The following VAV2 variants were observed in gnomAD, a reference collection of about 807,000 sequenced individuals.
VAV2 encodes vav guanine nucleotide exchange factor 2.
VAV2 carries 67 observed loss-of-function variants against 132.5 expected under a neutral mutation model. The ratio of observed to expected loss-of-function variants is 0.51; its 90% confidence interval spans 0.42 to 0.62. VAV2 has a LOEUF of 0.62. Ranked by LOEUF, VAV2 falls within the 20% of genes least tolerant of loss-of-function variation. The pLI, the probability that VAV2 is intolerant of heterozygous loss-of-function variation, is 0.00. For missense variants in VAV2, 938 were observed against 1,153.6 expected (o/e 0.81, Z 2.71); for synonymous variants, 492 against 443.5 (o/e 1.11, Z -1.37).
chr9:133,983,733 A>G (rs1191534401), intron 1 of VAV2, among the ~76,000 whole-genome samples: 2 of 151,856 alleles, frequency 1.3e-5, no homozygotes, highest in African/African-American at 4.8e-5. Context: ...ATCCCACTCA[A>G]CACAGCCCTC....
chr9:133,834,162 A>G lies in VAV2; in HGVS notation c.449+110T>C. The G allele has an allele frequency of 7.8e-7, 1 of 1,279,222 alleles. No individual in the cohort carries two copies. The highest frequency in any genetic ancestry group is 1.4e-5 in the South Asian group (1 of 71,510). 79.2% of individuals were successfully genotyped at this position (1,279,222 alleles called of 1,614,324 possible). Reference sequence around the variant, plus strand: ...TGCCCCGGTGGGAAGGGCCAGGGCCAGCTCTGCCTGCACTGTGGCCGCCAT... The same window carrying G: ...TGCCCCGGTGGGAAGGGCCAGGGCCGGCTCTGCCTGCACTGTGGCCGCCAT... On this transcript the variant is annotated intron_variant, in intron 4 of 29. Transcript: ENST00000371850. This position sits in a 1 kb window ranked among gnomAD's most constrained non-coding sequence, Gnocchi z 5.9.
At chr9:133,894,605 G>GGCTCCC (rs1449226419) in intron 2 of VAV2, among the ~76,000 whole-genome samples, 1 of 152,186 alleles carries the variant, frequency 6.6e-6, no homozygotes. Context: ...AGGGTTCACA[G>GGCTCCC]GCTCCCAGGA....
chr9:133,983,509 C>G (rs572250160), intron 1 of VAV2, among the ~76,000 whole-genome samples: 22 of 152,328 alleles, frequency 1.4e-4, no homozygotes, highest in Admixed American at 3.9e-4. Flanking sequence ...CGACCCATCT[C>G]CAAGTCCCAA....
intron 2 of VAV2, among the ~76,000 whole-genome samples, chr9:133,909,104 C>T (rs982064452): frequency 1.3e-5 from 2 of 152,194 alleles, no homozygotes; most frequent in Non-Finnish European, 2.9e-5. Flanking sequence ...CTAGCAATCG[C>T]GAGGAAGGAT....
At position 133,824,106 on chromosome 9, in the gene VAV2, G is replaced by C. The variant is rs973924067; in HGVS notation, c.449+10166C>G. 1.3e-5 allele frequency among the ~76,000 whole-genome samples: 2 copies of C among 152,180 alleles called. No homozygotes were observed. Among genetic ancestry groups the C allele is most frequent in the East Asian group, 1.9e-4 (1 of 5,204 alleles). ...CAAGGGGCCCACAAGATGTCCGAGG[G>C]GGGCAGGGAGGGTCCCTGAAAGTGT... On this transcript the variant is annotated intron_variant, in intron 4 of 29. Coordinates refer to ENST00000371850, the MANE Select transcript of VAV2 (RefSeq NM_001134398.2). The surrounding 1 kb of genome is among the most constrained non-coding windows in gnomAD (Gnocchi z 5.2).
Position 133,798,949 on chromosome 9 carries a change from G to A in VAV2, c.837-1140C>T, listed in dbSNP as rs147877290. On this transcript the variant is annotated intron_variant, in intron 9 of 29. Transcript: ENST00000371850. ...GGCTCCCCTGGCCCGGGAAGCCCAG[G>A]GCAGGCTCTTGGGACCAGGTCACCA... 4.1e-3 allele frequency among the ~76,000 whole-genome samples: 632 copies of A among 152,348 alleles called. 5 individuals carry two copies. The highest frequency in any genetic ancestry group is 6.8e-3 in the Middle Eastern group (2 of 294).
At position 133,979,123 on chromosome 9, in the gene VAV2, G is replaced by A. The variant is rs1049575858; in HGVS notation, c.204+12952C>T. On this transcript the variant is annotated intron_variant, in intron 1 of 29. Coordinates refer to ENST00000371850, the MANE Select transcript of VAV2 (RefSeq NM_001134398.2). ...GCTTCGGAAGAGCTTTCGTGCCAGG[G>A]GTGGTGGTGTCGGAGAGGCGAGCTC... Among the ~76,000 whole-genome samples, 6 of 152,346 alleles carry A rather than the reference G, an allele frequency of 3.9e-5. No homozygotes were observed. The South Asian group carries it at 1.2e-3, about 32-fold the overall frequency.
At chr9:133,860,626 G>A (rs1453806794) in intron 3 of VAV2, among the ~76,000 whole-genome samples, 1 of 152,058 alleles carries the variant, frequency 6.6e-6, no homozygotes, top group African/African-American at 2.4e-5. Flanking sequence ...CCCCATCCTC[G>A]CTGCTCTCAG....
Position 133,861,380 on chromosome 9 carries a change from C to T in VAV2, c.374G>A (p.Gly125Glu), listed in dbSNP as rs759182638. ...CGCACTCCGGAGAGCTCACCTGATC[C>T]CTTTGTTCTGCGCGATGCTGTGCAG... ...LSLHSIAQNK[G>E]IRPFPSEETT... Residue 125 changes from glycine to glutamate, a missense_variant, in exon 3 of 30, where the codon GGG becomes GAG. Transcript: ENST00000371850. 20 of 1,612,822 alleles carry T rather than the reference C, an allele frequency of 1.2e-5. No individual in the cohort carries two copies. In the East Asian group the frequency reaches 4.2e-4, roughly 34 times the overall value.
chr9:133,937,228 C>T (rs1209833408), intron 2 of VAV2, among the ~76,000 whole-genome samples: 3 of 151,554 alleles, frequency 2.0e-5, no homozygotes, highest in African/African-American at 4.9e-5. Context: ...GTGATATGTC[C>T]GTGTTGGGGG....
chr9:133,775,481 T>A (rs1207978749), intron 24 of VAV2, among the ~76,000 whole-genome samples: 1 of 152,170 alleles, frequency 6.6e-6, no homozygotes, highest in African/African-American at 2.4e-5. Flanking sequence ...TGGTAACACA[T>A]TGGAGATTGC....
chr9:133,954,165 CGAG>C (rs1841664858), intron 1 of VAV2, among the ~76,000 whole-genome samples: 1 of 152,206 alleles, frequency 6.6e-6, no homozygotes, highest in African/African-American at 2.4e-5. Context: ...CCCATCATTT[CGAG>C]AAGAAAGAGT....
rs1490397842 is a variant in VAV2 at position 133,928,822 on chromosome 9, G to T, written c.321+10281C>A. Reference sequence around the variant, plus strand: ...TGGATACACTTGTCCAGCCCCAGACGCAGGGCAGGTGGATGGTGGGTGTGG... The same window carrying T: ...TGGATACACTTGTCCAGCCCCAGACTCAGGGCAGGTGGATGGTGGGTGTGG... On this transcript the variant is annotated intron_variant, in intron 2 of 29. Transcript: ENST00000371850. The surrounding 1 kb of genome is among the most constrained non-coding windows in gnomAD (Gnocchi z 5.4). Among the ~76,000 whole-genome samples the T allele has an allele frequency of 6.6e-6, 1 of 152,170 alleles. No homozygotes were observed. The highest frequency in any genetic ancestry group is 1.5e-5 in the Non-Finnish European group (1 of 68,038).
intron 2 of VAV2, among the ~76,000 whole-genome samples, chr9:133,882,619 G>A (rs1430365689): frequency 6.6e-6 from 1 of 152,008 alleles, no homozygotes; most frequent in Non-Finnish European, 1.5e-5. Context: ...TGGCCCTGCC[G>A]ACAACACCTT....
At position 133,769,580 on chromosome 9, in the gene VAV2, C is replaced by A. The variant is rs979328086; in HGVS notation, c.2348-77G>T. 2 of 1,436,022 alleles carry A rather than the reference C, an allele frequency of 1.4e-6. No homozygotes were observed. Among genetic ancestry groups the A allele is most frequent in the Admixed American group, 2.1e-5 (1 of 48,514 alleles). 89.0% of individuals were successfully genotyped at this position (1,436,022 alleles called of 1,614,324 possible). A position where few individuals can be genotyped will look rare whatever the true frequency, so the allele number is the denominator to read the frequency against. On this transcript the variant is annotated intron_variant, in intron 27 of 29. Coordinates refer to ENST00000371850, the MANE Select transcript of VAV2 (RefSeq NM_001134398.2). The surrounding 1 kb of genome is among the most constrained non-coding windows in gnomAD (Gnocchi z 8.1). ...AGTCACGGTGGGCACAGCTACAGGC[C>A]GGGGGGCATGGGGTGGGGCAGGCCC...
At position 133,992,078 on chromosome 9, in the gene VAV2, G is replaced by C; in HGVS notation, c.201C>G (p.Ser67=). The change falls in exon 1 of 30, where the codon TCC becomes TCG. Residue 67 remains serine, a synonymous_variant. Coordinates refer to ENST00000371850, the MANE Select transcript of VAV2 (RefSeq NM_001134398.2). The surrounding 1 kb of genome is among the most constrained non-coding windows in gnomAD (Gnocchi z 5.5). ...LKDINFRPQM[S]QFLCLKNIRT... ...CTCCCGCCCGCCGGGCGCTCACCTG[G>C]GACATCTGCGGCCGGAAGTTGATGT... 1 of 1,570,952 alleles carries C rather than the reference G, an allele frequency of 6.4e-7. No individual in the cohort carries two copies.
At chr9:133,886,131 G>A (rs1838694252) in intron 2 of VAV2, among the ~76,000 whole-genome samples, 1 of 152,164 alleles carries the variant, frequency 6.6e-6, no homozygotes, top group South Asian at 2.1e-4. Flanking sequence ...GGAGCAGGCG[G>A]GGAGGGAAAG....
chr9:133,877,274 C>G (rs1409468832), intron 2 of VAV2, among the ~76,000 whole-genome samples: 4 of 152,202 alleles, frequency 2.6e-5, no homozygotes, highest in Admixed American at 2.6e-4. Context: ...ACTCCACACT[C>G]TGCACAACGA....
chr9:133,831,834 T>G (rs1032913602), intron 4 of VAV2, among the ~76,000 whole-genome samples: 9 of 152,038 alleles, frequency 5.9e-5, no homozygotes, highest in Non-Finnish European at 1.2e-4. Context: ...CTCTGTGTGG[T>G]GGGGGGCTAG....
Sources: gnomAD v4.1 joint callset for allele counts (sites outside exome capture counted in the v4.1 genomes callset) on GRCh38, gnomAD v4.1.1 for gene constraint, Gnocchi (gnomAD v3.1) non-coding constraint, MANE v1.5 for transcripts, NCBI Gene and HGNC (gene_info 2026-07-23, HGNC 2026-07-21) for gene names.